Variants in KAZN observed in about 807,000 individuals in gnomAD.
KAZN encodes kazrin, periplakin interacting protein.
A neutral mutation model predicts 87.4 loss-of-function variants in KAZN; 40 were observed. That is an observed-to-expected ratio of 0.46 (90% CI 0.36 to 0.60). The LOEUF (loss-of-function observed/expected upper bound fraction) is 0.60, where lower values mean the gene tolerates loss of function less well. KAZN is among the 20% of genes least tolerant of loss of function. The pLI is 0.00. For synonymous variants in KAZN, 466 were observed against 458.3 expected, an observed-to-expected ratio of 1.02 and a Z score of -0.22; for missense variants, 898 against 1,073.9, an observed-to-expected ratio of 0.84 and a Z score of 2.29.
intron 2 of KAZN, among the ~76,000 whole-genome samples, chr1:14,464,918 A>G (rs1441249397): frequency 6.6e-6 from 1 of 151,852 alleles, no homozygotes; most frequent in Non-Finnish European, 1.5e-5. Context: ...ATGTTGCTGC[A>G]TAACAGCTGT....
Position 15,115,786 on chromosome 1 carries a change from GGTTCCCTCCCA to G in KAZN, c.*1153_*1163del, listed in dbSNP as rs910921095. 6.6e-6 allele frequency: 1 copy of G among 152,092 alleles called. No homozygotes were observed. Among genetic ancestry groups the G allele is most frequent in the Non-Finnish European group, 1.5e-5 (1 of 68,046 alleles). 9.4% of individuals were successfully genotyped at this position (152,092 alleles called of 1,614,324 possible). On this transcript the variant is annotated 3_prime_UTR_variant, in exon 15 of 15. Coordinates refer to ENST00000376030, the MANE Select transcript of KAZN (RefSeq NM_201628.3). The surrounding 1 kb of genome is among the most constrained non-coding windows in gnomAD (Gnocchi z 4.1). ...CGATGTCTTCATCTACGATACTTCT[GGTTCCCTCCCA>G]GGGACATCGTGAGGATTAACACTTG...
intron 1 of KAZN, among the ~76,000 whole-genome samples, chr1:14,894,159 C>G (rs1655015362): frequency 6.6e-6 from 1 of 152,008 alleles, no homozygotes; most frequent in Non-Finnish European, 1.5e-5. Context: ...TCTCCCCTGC[C>G]CAGCTCTGCC....
chr1:14,769,505 C>A lies in KAZN; in HGVS notation c.226+170282C>A, dbSNP rs1302364452. ...GAGTATCTGGGATTACAGGCGCCCA[C>A]CACCACGCCCGGCTAATTTTGTATT... is the stretch of plus-strand genomic sequence containing the variant. On this transcript the variant is annotated intron_variant, in intron 1 of 14. Transcript: ENST00000376030. This position sits in a 1 kb window ranked among gnomAD's most constrained non-coding sequence, Gnocchi z 4.1. 2.0e-5 allele frequency among the ~76,000 whole-genome samples: 3 copies of A among 152,150 alleles called. No homozygotes were observed. Among genetic ancestry groups the A allele is most frequent in the African/African-American group, 7.2e-5 (3 of 41,434 alleles).
intron 2 of KAZN, among the ~76,000 whole-genome samples, chr1:14,458,346 AGTTT>A (rs1307227149): frequency 6.6e-6 from 1 of 152,220 alleles, no homozygotes; most frequent in Non-Finnish European, 1.5e-5. Context: ...TAGTTCTAAT[AGTTT>A]GTTGATTATC....
At chr1:14,517,412 C>T (rs989878007) in intron 2 of KAZN, among the ~76,000 whole-genome samples, 15 of 152,226 alleles carry the variant, frequency 9.9e-5, no homozygotes, top group African/African-American at 1.4e-4. Context: ...CAGCCACACC[C>T]GAAGCTAAAT....
intron 8 of KAZN, among the ~76,000 whole-genome samples, chr1:15,092,451 ATTTGTTTTGT>A (rs148459798): frequency 2.1e-4 from 32 of 149,954 alleles, no homozygotes; most frequent in East Asian, 1.6e-3. Flanking sequence ...GTGTGTTTTT[ATTTGTTTTGT>A]TTTGTTTTGT....
At chr1:14,304,638 A>G (rs949821402) in intron 2 of KAZN, 6 of 398,364 alleles carry the variant, frequency 1.5e-5, no homozygotes. Flanking sequence ...ATGCATTTCC[A>G]ATGATCCAGC....
At chr1:13,962,435 C>T (rs1012531948) in intron 1 of KAZN, among the ~76,000 whole-genome samples, 9 of 152,124 alleles carry the variant, frequency 5.9e-5, no homozygotes, top group Non-Finnish European at 1.5e-5. Flanking sequence ...GAGGTGAGCT[C>T]CTGACTCAGG....
chr1:14,695,207 C>T (rs116569265), intron 1 of KAZN, among the ~76,000 whole-genome samples: 1,572 of 152,258 alleles, frequency 0.01, 27 homozygotes, highest in African/African-American at 0.035. Context: ...AGCAATCAAT[C>T]GATACCTCCA....
intron 2 of KAZN, among the ~76,000 whole-genome samples, chr1:14,349,996 T>C (rs1658411307): frequency 6.6e-6 from 1 of 151,818 alleles, no homozygotes; most frequent in Non-Finnish European, 1.5e-5. Flanking sequence ...ATTAGCCAGG[T>C]ATGGTGGCAG....
chr1:14,076,940 C>T (rs1423873083), intron 1 of KAZN, among the ~76,000 whole-genome samples: 2 of 152,110 alleles, frequency 1.3e-5, no homozygotes, highest in African/African-American at 2.4e-5. Flanking sequence ...CAGAGGAGGA[C>T]TGTCGCTTGC....
intron 2 of KAZN, among the ~76,000 whole-genome samples, chr1:14,322,445 C>T (rs1656113062): frequency 1.3e-5 from 2 of 152,018 alleles, no homozygotes; most frequent in South Asian, 2.1e-4. Flanking sequence ...GCCTCTTTGC[C>T]CTTCTTTGCT....
intron 2 of KAZN, among the ~76,000 whole-genome samples, chr1:14,181,033 C>T (rs995831373): frequency 1.3e-5 from 2 of 152,164 alleles, no homozygotes; most frequent in Non-Finnish European, 1.5e-5. Context: ...GTTTTGCTAG[C>T]GCTGAATTTA....
At chr1:14,396,974 T>C (rs1662953981) in intron 2 of KAZN, among the ~76,000 whole-genome samples, 1 of 152,172 alleles carries the variant, frequency 6.6e-6, no homozygotes, top group Non-Finnish European at 1.5e-5. Context: ...TATGTCTCCA[T>C]CTCTATTCCT....
At chr1:14,918,762 T>A (rs936347979) in intron 1 of KAZN, among the ~76,000 whole-genome samples, 13 of 139,734 alleles carry the variant, frequency 9.3e-5, no homozygotes, top group African/African-American at 3.0e-4. Context: ...TGGGAGGAAT[T>A]GCATCTTGCC....
intron 1 of KAZN, among the ~76,000 whole-genome samples, chr1:14,077,456 T>G (rs1227134826): frequency 6.6e-6 from 1 of 152,224 alleles, no homozygotes; most frequent in Non-Finnish European, 1.5e-5. Flanking sequence ...TTCTTCAGCA[T>G]TGTTTCCTGG....
intron 1 of KAZN, among the ~76,000 whole-genome samples, chr1:14,793,445 G>T (rs543302227): frequency 1.3e-5 from 2 of 152,250 alleles, no homozygotes; most frequent in African/African-American, 4.8e-5. Flanking sequence ...AGACCAGCTG[G>T]GTTCAAACCC....
At chr1:14,278,579 C>T (rs1415427311) in intron 2 of KAZN, among the ~76,000 whole-genome samples, 2 of 152,030 alleles carry the variant, frequency 1.3e-5, no homozygotes, top group Admixed American at 6.6e-5. Flanking sequence ...CATGAGCCAC[C>T]GCGCCTGGTC....
chr1:14,868,779 G>T (rs1207781819), intron 1 of KAZN, among the ~76,000 whole-genome samples: 3 of 151,922 alleles, frequency 2.0e-5, no homozygotes, highest in Non-Finnish European at 4.4e-5. Flanking sequence ...AGGAACTCAA[G>T]GCTGCAGTGA....
Sources: allele counts gnomAD v4.1 joint callset (sites outside exome capture counted in the v4.1 genomes callset), GRCh38; gene constraint gnomAD v4.1.1; non-coding constraint Gnocchi (gnomAD v3.1); transcripts MANE v1.5; gene names NCBI Gene and HGNC (gene_info 2026-07-23, HGNC 2026-07-21).